FHIT: variants seen among roughly 807,000 people sequenced by gnomAD.
FHIT encodes the protein fragile histidine triad diadenosine triphosphatase.
A neutral mutation model predicts 17.9 loss-of-function variants in FHIT; 19 were observed. The observed-to-expected ratio is 1.06, with a 90% CI of 0.74 to 1.56. The LOEUF is 1.56. Ranked by LOEUF, FHIT falls within the 40% of genes most tolerant of loss-of-function variation. The pLI is 0.00. For synonymous variants in FHIT, 81 were observed against 69.7 expected (o/e 1.16, Z -0.81); for missense variants, 248 against 189.2 (o/e 1.31, Z -1.82).
chr3:59,855,092 G>C (rs1400334642), intron 8 of FHIT, among the ~76,000 whole-genome samples: 2 of 152,178 alleles, frequency 1.3e-5, no homozygotes, highest in Non-Finnish European at 2.9e-5. Context: ...TATCATAACT[G>C]TAACATTAAA....
At chr3:60,600,512 C>G (rs2038409004) in intron 4 of FHIT, among the ~76,000 whole-genome samples, 1 of 152,092 alleles carries the variant, frequency 6.6e-6, no homozygotes, top group Non-Finnish European at 1.5e-5. Context: ...TTACCCAACA[C>G]CTATAAAACC....
chr3:61,219,722 G>C (rs1329882863), intron 1 of FHIT, among the ~76,000 whole-genome samples: 2 of 152,152 alleles, frequency 1.3e-5, no homozygotes, highest in Non-Finnish European at 2.9e-5. Context: ...CATGGAAGTA[G>C]AGCAGTACAG....
intron 5 of FHIT, among the ~76,000 whole-genome samples, chr3:60,195,601 A>T (rs926770522): frequency 8.2e-6 from 1 of 122,322 alleles, no homozygotes; most frequent in African/African-American, 3.0e-5. Context: ...ATATAATTAT[A>T]TATATGTATA....
chr3:60,965,927 C>G (rs1709716531), intron 3 of FHIT, among the ~76,000 whole-genome samples: 1 of 152,176 alleles, frequency 6.6e-6, no homozygotes, highest in South Asian at 2.1e-4. Flanking sequence ...TCTCAGATCT[C>G]AAACTCCGTG....
At chr3:60,574,364 CTT>C (rs77222262) in intron 4 of FHIT, among the ~76,000 whole-genome samples, 113 of 144,482 alleles carry the variant, frequency 7.8e-4, no homozygotes, top group Non-Finnish European at 6.7e-4. Context: ...TCTCCAACTC[CTT>C]TTTTTTTTTT....
At chr3:60,693,654 T>G (rs2041044760) in intron 4 of FHIT, among the ~76,000 whole-genome samples, 1 of 152,238 alleles carries the variant, frequency 6.6e-6, no homozygotes, top group South Asian at 2.1e-4. Flanking sequence ...CCTTCTGCCT[T>G]GTCAGTGCTG....
At chr3:60,322,001 T>A (rs1709455006) in intron 5 of FHIT, among the ~76,000 whole-genome samples, 1 of 152,240 alleles carries the variant, frequency 6.6e-6, no homozygotes. Context: ...ATATAACTTT[T>A]GGAAGAACAC....
intron 4 of FHIT, among the ~76,000 whole-genome samples, chr3:60,600,724 G>A (rs1553668497): frequency 6.6e-6 from 1 of 152,114 alleles, no homozygotes; most frequent in African/African-American, 2.4e-5. Context: ...CTGACAGAAG[G>A]GGAGTGATGA....
At chr3:60,129,666 C>A (rs1699447159) in intron 5 of FHIT, among the ~76,000 whole-genome samples, 1 of 152,098 alleles carries the variant, frequency 6.6e-6, no homozygotes, top group African/African-American at 2.4e-5. Flanking sequence ...TTCTGCTTTG[C>A]TTCATTCATC....
intron 7 of FHIT, among the ~76,000 whole-genome samples, chr3:59,984,393 C>CT (rs1708795755): frequency 7.5e-6 from 1 of 132,872 alleles, no homozygotes; most frequent in Admixed American, 8.5e-5. Flanking sequence ...CTCAAATCCA[C>CT]TGGGGGGGGC....
intron 3 of FHIT, among the ~76,000 whole-genome samples, chr3:60,928,830 A>G (rs1237633087): frequency 1.3e-5 from 2 of 152,298 alleles, no homozygotes; most frequent in Non-Finnish European, 2.9e-5. Context: ...ATTCCAATCA[A>G]TAGAAAAAGA....
intron 8 of FHIT, among the ~76,000 whole-genome samples, chr3:59,806,902 A>T (rs1366715357): frequency 6.6e-6 from 1 of 152,148 alleles, no homozygotes; most frequent in African/African-American, 2.4e-5. Context: ...TAAGGGAAAG[A>T]TCTTCAGAAA....
intron 5 of FHIT, among the ~76,000 whole-genome samples, chr3:60,515,592 A>T (rs1160951411): frequency 6.9e-6 from 1 of 145,754 alleles, no homozygotes; most frequent in African/African-American, 2.5e-5. Flanking sequence ...AAAAAAAAAA[A>T]TGTTCACGGA....
intron 4 of FHIT, among the ~76,000 whole-genome samples, chr3:60,559,557 C>T (rs972975279): frequency 6.6e-6 from 1 of 152,014 alleles, no homozygotes; most frequent in East Asian, 1.9e-4. Context: ...TGCTGGTGTG[C>T]TCTCTCTCAC....
intron 5 of FHIT, among the ~76,000 whole-genome samples, chr3:60,467,465 A>G (rs2032861633): frequency 6.6e-6 from 1 of 151,970 alleles, no homozygotes; most frequent in African/African-American, 2.4e-5. Flanking sequence ...TTACTACTAT[A>G]AACTTTCCTC....
intron 2 of FHIT, among the ~76,000 whole-genome samples, chr3:61,098,758 T>C (rs2035722530): frequency 6.6e-6 from 1 of 152,224 alleles, no homozygotes; most frequent in South Asian, 2.1e-4. Context: ...GCTTGACTAT[T>C]GTTGGTATAT....
intron 5 of FHIT, among the ~76,000 whole-genome samples, chr3:60,499,774 TG>T (rs1323913655): frequency 6.6e-6 from 1 of 152,130 alleles, no homozygotes; most frequent in Non-Finnish European, 1.5e-5. Flanking sequence ...GGCTGCCCAT[TG>T]TCCCACAATG....
chr3:61,146,111 G>T (rs75838925), intron 2 of FHIT, among the ~76,000 whole-genome samples: 3 of 151,950 alleles, frequency 2.0e-5, no homozygotes, highest in African/African-American at 7.2e-5. Context: ...GAGAAAGCAC[G>T]ACATAAAACA....
chr3:60,154,737 C>T (rs920367299), intron 5 of FHIT, among the ~76,000 whole-genome samples: 2 of 152,154 alleles, frequency 1.3e-5, no homozygotes, highest in African/African-American at 4.8e-5. Flanking sequence ...TCATTTTCTT[C>T]TACTACATAA....
Sources: gnomAD v4.1 joint callset for allele counts (sites outside exome capture counted in the v4.1 genomes callset) on GRCh38, gnomAD v4.1.1 for gene constraint, MANE v1.5 for transcripts, NCBI Gene and HGNC (gene_info 2026-07-23, HGNC 2026-07-21) for gene names.